The following GRIN3A variants were observed in gnomAD, a reference collection of about 807,000 sequenced individuals.
GRIN3A encodes the protein glutamate ionotropic receptor NMDA type subunit 3A, also known as glutamate receptor ionotropic, NMDA 3A.
A neutral mutation model predicts 92.4 loss-of-function variants in GRIN3A; 47 were observed. The ratio of observed to expected loss-of-function variants is 0.51; its 90% CI spans 0.40 to 0.65. The LOEUF is 0.65. Among genes scored for constraint, GRIN3A ranks in the 30% least tolerant of loss-of-function variants. GRIN3A has a pLI of 0.00. For missense variants in GRIN3A, 1,324 were observed against 1,393.1 expected (o/e 0.95, Z 0.79); for synonymous variants, 527 against 540.6 (o/e 0.97, Z 0.35).
At chr9:101,627,135 A>G (rs1167786134) in intron 4 of GRIN3A, among the ~76,000 whole-genome samples, 1 of 152,240 alleles carries the variant, frequency 6.6e-6, no homozygotes, top group African/African-American at 2.4e-5. Flanking sequence ...ATTCGCCTGA[A>G]GAAGAGAATA....
At chr9:101,605,271 A>G (rs1828263678) in intron 6 of GRIN3A, among the ~76,000 whole-genome samples, 1 of 152,242 alleles carries the variant, frequency 6.6e-6, no homozygotes, top group Admixed American at 6.5e-5. Context: ...AAATATGATT[A>G]ACACTATCCA....
At chr9:101,687,909 A>G (rs986901331) in intron 1 of GRIN3A, among the ~76,000 whole-genome samples, 1 of 152,196 alleles carries the variant, frequency 6.6e-6, no homozygotes, top group African/African-American at 2.4e-5. Flanking sequence ...GGAATTCACA[A>G]ACTTCATGGA....
At chr9:101,643,304 C>G (rs1828890716) in intron 3 of GRIN3A, among the ~76,000 whole-genome samples, 1 of 152,078 alleles carries the variant, frequency 6.6e-6, no homozygotes, top group Admixed American at 6.6e-5. Flanking sequence ...AAGAAGTGCT[C>G]AAGATCACTA....
intron 3 of GRIN3A, among the ~76,000 whole-genome samples, chr9:101,663,872 T>C (rs1452640949): frequency 1.3e-5 from 2 of 151,640 alleles, no homozygotes; most frequent in South Asian, 2.1e-4. Context: ...TTTCTTTTTT[T>C]TTTTTTATTA....
At chr9:101,632,599 A>T (rs1306926684) in intron 3 of GRIN3A, among the ~76,000 whole-genome samples, 1 of 152,106 alleles carries the variant, frequency 6.6e-6, no homozygotes, top group Non-Finnish European at 1.5e-5. Flanking sequence ...CTTAAAACTA[A>T]TTTTTTCCTT....
intron 3 of GRIN3A, among the ~76,000 whole-genome samples, chr9:101,647,809 A>G (rs568229808): frequency 6.6e-6 from 1 of 151,660 alleles, no homozygotes; most frequent in Non-Finnish European, 1.5e-5. Context: ...GATCCTTTGT[A>G]GTTCTGTGGT....
chr9:101,673,053 G>T (rs1829350431), intron 2 of GRIN3A, among the ~76,000 whole-genome samples: 1 of 152,094 alleles, frequency 6.6e-6, no homozygotes, highest in African/African-American at 2.4e-5. Flanking sequence ...TAGTAAGTAG[G>T]TTAATTTCTT....
At chr9:101,630,569 T>G (rs1828697746) in intron 3 of GRIN3A, among the ~76,000 whole-genome samples, 1 of 152,192 alleles carries the variant, frequency 6.6e-6, no homozygotes, top group African/African-American at 2.4e-5. Context: ...GAATTCAGCC[T>G]GATCAAAGAC....
intron 5 of GRIN3A, 149 bp downstream of exon 5, chr9:101,623,169 C>G: frequency 1.5e-6 from 1 of 653,046 alleles, no homozygotes; most frequent in Non-Finnish European, 2.8e-6. Context: ...CTAACTTCAG[C>G]AACTTAATAG....
chr9:101,597,803 G>T (rs575069473), intron 6 of GRIN3A, among the ~76,000 whole-genome samples: 3 of 151,260 alleles, frequency 2.0e-5, no homozygotes, highest in Non-Finnish European at 4.4e-5. Context: ...ACTTCATAAA[G>T]TTGTAAAACT....
chr9:101,684,830 G>A (rs1829510892), intron 2 of GRIN3A, among the ~76,000 whole-genome samples: 1 of 152,124 alleles, frequency 6.6e-6, no homozygotes. Flanking sequence ...TTTCATAAGT[G>A]GTTTTTCCTG....
chr9:101,615,214 C>CT (rs66704416), intron 5 of GRIN3A, among the ~76,000 whole-genome samples: 147 of 143,812 alleles, frequency 1.0e-3, no homozygotes, highest in Middle Eastern at 3.6e-3. Context: ...AACCCAAACC[C>CT]TTTTTTTTTT....
At chr9:101,611,064 C>T (rs1828361438) in intron 6 of GRIN3A, among the ~76,000 whole-genome samples, 1 of 150,368 alleles carries the variant, frequency 6.7e-6, no homozygotes, top group African/African-American at 2.5e-5. Context: ...TGCCACTGCA[C>T]TCCAGCCTGG....
rs571456073 is a variant in GRIN3A at position 101,574,456 on chromosome 9, A to G, written c.3009-943T>C. ...CTTTTGCAATCTACCACAGGACAAAACTAAATAGAAACACCCTACCAAGCC... is the reference window on the plus strand; with the variant it reads ...CTTTTGCAATCTACCACAGGACAAAGCTAAATAGAAACACCCTACCAAGCC... On this transcript the variant is annotated intron_variant, in intron 8 of 8. Transcript: ENST00000361820. Among the ~76,000 whole-genome samples the G allele has an allele frequency of 3.3e-5, 5 of 152,264 alleles. No individual in the cohort carries two copies. In the East Asian group the frequency reaches 9.7e-4, roughly 29 times the overall value.
intron 3 of GRIN3A, among the ~76,000 whole-genome samples, chr9:101,636,796 G>A (rs1200188127): frequency 6.6e-6 from 1 of 152,176 alleles, no homozygotes; most frequent in Non-Finnish European, 1.5e-5. Context: ...GCTTATCACA[G>A]TTATAGCAAC....
intron 6 of GRIN3A, among the ~76,000 whole-genome samples, chr9:101,601,863 A>C (rs1205373447): frequency 2.0e-5 from 3 of 152,128 alleles, no homozygotes. Flanking sequence ...GCTCAACCAA[A>C]CATGTCTGCA....
At position 101,737,703 on chromosome 9, in the gene GRIN3A, G is replaced by C. The variant is rs1830232631; in HGVS notation, c.277C>G (p.Pro93Ala). The C allele has an allele frequency of 1.3e-6, 2 of 1,540,898 alleles. No homozygotes were observed. Among genetic ancestry groups the C allele is most frequent in the African/African-American group, 1.4e-5 (1 of 72,902 alleles). Residue 93 changes from proline (P) to alanine (A), a missense_variant, in exon 1 of 9, where the codon CCG becomes GCG. Transcript: ENST00000361820. ...GTGCTCCCCAACCAGCGTGCGCCCG[G>C]CGAGGGCGCCGGGGACCGCCTAGTC... is the stretch of plus-strand genomic sequence containing the variant. ...PGTRRSPAPS[P>A]GARWLGSTLH... is the part of the protein sequence containing the mutation.
At chr9:101,710,716 G>T (rs1829867514) in intron 1 of GRIN3A, among the ~76,000 whole-genome samples, 1 of 152,196 alleles carries the variant, frequency 6.6e-6, no homozygotes, top group Non-Finnish European at 1.5e-5. Flanking sequence ...AAACAATTAT[G>T]GTAACATTAT....
At chr9:101,689,688 A>T (rs896275342) in intron 1 of GRIN3A, among the ~76,000 whole-genome samples, 10 of 152,048 alleles carry the variant, frequency 6.6e-5, no homozygotes, top group Non-Finnish European at 1.0e-4. Context: ...ATTTCTCCCC[A>T]TATAAGGACA....
Sources: gnomAD v4.1 joint callset for allele counts (sites outside exome capture counted in the v4.1 genomes callset) on GRCh38, gnomAD v4.1.1 for gene constraint, MANE v1.5 for transcripts, NCBI Gene and HGNC (gene_info 2026-07-23, HGNC 2026-07-21) for gene names.